Variants in PLD5 observed in about 807,000 individuals in gnomAD.
PLD5 encodes the protein inactive phospholipase D5.
In PLD5, 36 loss-of-function variants were observed where a neutral mutation model predicts 61.1. That is an observed-to-expected ratio of 0.59 (90% confidence interval 0.45 to 0.78). The LOEUF is 0.78. PLD5 is among the 30% of genes least tolerant of loss of function. The pLI, the probability that PLD5 is intolerant of heterozygous loss-of-function variation, is 0.00. For missense variants in PLD5, 515 were observed against 644.4 expected (o/e 0.80, Z 2.17); for synonymous variants, 243 against 242.8 (o/e 1.00, Z -0.01).
intron 4 of PLD5, among the ~76,000 whole-genome samples, chr1:242,263,316 T>C (rs576732949): frequency 1.3e-5 from 2 of 151,882 alleles, no homozygotes; most frequent in East Asian, 1.9e-4. Context: ...GGGATATTTC[T>C]GGAAAAAACT....
intron 1 of PLD5, among the ~76,000 whole-genome samples, chr1:242,434,547 T>C (rs1277965088): frequency 6.6e-6 from 1 of 152,188 alleles, no homozygotes; most frequent in Non-Finnish European, 1.5e-5. Context: ...ATAGATGGTG[T>C]TCTGAGACAT....
chr1:242,121,061 TATA>T (rs1364689323), intron 6 of PLD5, among the ~76,000 whole-genome samples: 5 of 152,196 alleles, frequency 3.3e-5, no homozygotes, highest in Non-Finnish European at 5.9e-5. Context: ...ACAATCAGCT[TATA>T]AAAATATACT....
chr1:242,372,031 C>A (rs1026081807), intron 1 of PLD5, among the ~76,000 whole-genome samples: 1 of 152,118 alleles, frequency 6.6e-6, no homozygotes, highest in African/African-American at 2.4e-5. Flanking sequence ...TCCCCACACC[C>A]CCGCCCTGAC....
intron 9 of PLD5, 137 bp from the exon 10 acceptor site, chr1:242,090,247 C>T: frequency 8.7e-7 from 1 of 1,149,388 alleles, no homozygotes; most frequent in Non-Finnish European, 1.2e-6. Flanking sequence ...ATTGTGTTGA[C>T]AGCTCCGAAA....
chr1:242,246,795 G>T (rs1318002122), intron 4 of PLD5, among the ~76,000 whole-genome samples: 1 of 152,120 alleles, frequency 6.6e-6, no homozygotes, highest in Admixed American at 6.5e-5. Flanking sequence ...ACAGTCTCAA[G>T]ACGTCCTGAG....
At chr1:242,429,014 T>A (rs1467795789) in intron 1 of PLD5, among the ~76,000 whole-genome samples, 1 of 152,166 alleles carries the variant, frequency 6.6e-6, no homozygotes, top group African/African-American at 2.4e-5. Context: ...TGTGGCCCTG[T>A]CAGGCTGGAT....
intron 1 of PLD5, among the ~76,000 whole-genome samples, chr1:242,437,408 G>C (rs1666048399): frequency 6.6e-6 from 1 of 152,092 alleles, no homozygotes. Context: ...TAAGAATTTA[G>C]TTTACAGGCT....
At chr1:242,512,831 A>T (rs539500584) in intron 1 of PLD5, among the ~76,000 whole-genome samples, 1 of 151,870 alleles carries the variant, frequency 6.6e-6, no homozygotes, top group African/African-American at 2.4e-5. Flanking sequence ...GTAGTTTCTC[A>T]TGCAAACCTG....
At chr1:242,463,241 TA>T (rs564547829) in intron 1 of PLD5, among the ~76,000 whole-genome samples, 232 of 152,276 alleles carry the variant, frequency 1.5e-3, no homozygotes, top group Middle Eastern at 6.8e-3. Context: ...TTATCCAGAT[TA>T]AAATCAAACC....
intron 5 of PLD5, among the ~76,000 whole-genome samples, chr1:242,153,978 G>A (rs1665144191): frequency 6.6e-6 from 1 of 152,182 alleles, no homozygotes; most frequent in Non-Finnish European, 1.5e-5. Context: ...TCCTATCCAT[G>A]AGCATGGGAT....
chr1:242,237,998 C>T (rs1200324333), intron 4 of PLD5, among the ~76,000 whole-genome samples: 1 of 152,192 alleles, frequency 6.6e-6, no homozygotes, highest in Non-Finnish European at 1.5e-5. Flanking sequence ...CACCCCTCAT[C>T]CCTCCTGTAA....
intron 4 of PLD5, among the ~76,000 whole-genome samples, chr1:242,245,369 C>T (rs2149071015): frequency 6.6e-6 from 1 of 152,318 alleles, no homozygotes. Flanking sequence ...CAAAAGCTGG[C>T]ATTTGCCTTC....
At chr1:242,167,972 A>G (rs1394386524) in intron 5 of PLD5, among the ~76,000 whole-genome samples, 1 of 152,358 alleles carries the variant, frequency 6.6e-6, no homozygotes, top group East Asian at 1.9e-4. Context: ...AACAAAATAT[A>G]CTGAGCAAGT....
intron 5 of PLD5, among the ~76,000 whole-genome samples, chr1:242,181,833 G>C (rs998151264): frequency 4.6e-5 from 7 of 152,068 alleles, no homozygotes; most frequent in Non-Finnish European, 8.8e-5. Flanking sequence ...AGTAGAGATG[G>C]GGTTTCACCA....
intron 5 of PLD5, among the ~76,000 whole-genome samples, chr1:242,152,526 C>A (rs1433809476): frequency 6.6e-6 from 1 of 151,646 alleles, no homozygotes; most frequent in South Asian, 2.1e-4. Flanking sequence ...CCCTAACAGG[C>A]CCCAGTGTGT....
intron 5 of PLD5, among the ~76,000 whole-genome samples, chr1:242,148,174 T>C (rs1664667195): frequency 6.6e-6 from 1 of 151,722 alleles, no homozygotes; most frequent in Admixed American, 6.6e-5. Flanking sequence ...AAGTCTATGG[T>C]CCATTTTGAA....
intron 5 of PLD5, among the ~76,000 whole-genome samples, chr1:242,186,499 TA>T (rs1161230129): frequency 5.3e-5 from 8 of 149,876 alleles, no homozygotes; most frequent in East Asian, 3.9e-4. Context: ...GTAAGGAATA[TA>T]TTTTTTTTAA....
At chr1:242,352,475 A>G (rs571741787) in intron 1 of PLD5, among the ~76,000 whole-genome samples, 133 of 152,342 alleles carry the variant, frequency 8.7e-4, no homozygotes, top group South Asian at 3.3e-3. Flanking sequence ...GGTTAATCCC[A>G]CAGCTTGGCT....
At chr1:242,452,861 C>A (rs1264324139) in intron 1 of PLD5, among the ~76,000 whole-genome samples, 2 of 151,886 alleles carry the variant, frequency 1.3e-5, no homozygotes, top group Non-Finnish European at 2.9e-5. Flanking sequence ...TTCCTCTGCA[C>A]CCCCTAGGTC....
Sources: allele counts gnomAD v4.1 joint callset (sites outside exome capture counted in the v4.1 genomes callset), GRCh38; gene constraint gnomAD v4.1.1; transcripts MANE v1.5; gene names NCBI Gene and HGNC (gene_info 2026-07-23, HGNC 2026-07-21).